The following COL11A1 variants were observed in gnomAD, a reference collection of about 807,000 sequenced individuals.
COL11A1 encodes the protein collagen alpha-1(XI) chain.
In COL11A1, 74 loss-of-function variants were observed where a neutral mutation model predicts 265.2. The ratio of observed to expected loss-of-function variants is 0.28; its 90% CI spans 0.23 to 0.34. The LOEUF (loss-of-function observed/expected upper bound fraction) is 0.34, where lower values mean the gene tolerates loss of function less well. COL11A1 is among the 10% of genes least tolerant of loss of function. The pLI, the probability that COL11A1 is intolerant of heterozygous loss-of-function variation, is 1.00. For missense variants in COL11A1, 2,165 were observed against 2,263.6 expected (o/e 0.96, Z 0.88); for synonymous variants, 816 against 727.6 (o/e 1.12, Z -1.96).
At chr1:102,994,660 A>G (rs2101785615) in intron 28 of COL11A1, among the ~76,000 whole-genome samples, 1 of 152,274 alleles carries the variant, frequency 6.6e-6, no homozygotes. Context: ...AATAGTTAAT[A>G]TCCATGTATA....
intron 4 of COL11A1, among the ~76,000 whole-genome samples, chr1:103,048,421 T>A (rs1669496948): frequency 6.6e-6 from 1 of 152,188 alleles, no homozygotes; most frequent in Admixed American, 6.5e-5. Context: ...CTGATGGTAG[T>A]TTGTATTTCT....
chr1:102,893,958 A>G lies in COL11A1; in HGVS notation c.4303-3454T>C, dbSNP rs531046218. Among the ~76,000 whole-genome samples the G allele has an allele frequency of 8.3e-4, 127 of 152,312 alleles. 1 individual carries two copies. Among genetic ancestry groups the G allele is most frequent in the African/African-American group, 3.0e-3 (123 of 41,580 alleles). ...TTTTTATTGTTTAAAAAATAATGCT[A>G]TCAGATATTTTATTTAACATTTTGT... On this transcript the variant is annotated intron_variant, in intron 57 of 66. Coordinates refer to ENST00000370096, the MANE Select transcript of COL11A1 (RefSeq NM_001854.4).
intron 57 of COL11A1, among the ~76,000 whole-genome samples, chr1:102,891,069 C>A (rs1651716573): frequency 6.6e-6 from 1 of 151,982 alleles, no homozygotes; most frequent in African/African-American, 2.4e-5. Context: ...CCTATATATA[C>A]TAAATTAAAA....
chr1:102,886,873 C>G lies in COL11A1; in HGVS notation c.4792G>C (p.Gly1598Arg). Residue 1598 changes from glycine to arginine, a missense_variant, in exon 63 of 67, where the codon GGT becomes CGT. Gly to Arg is a moderately radical substitution (Grantham distance 125). Transcript: ENST00000370096. ...GTTCGGGCTGGATTGGTCTGAGTAC[C>G]CATTGGAAATTTCATATGCTCAATG... ...QDIEHMKFPMGTQTNPARTCK... is the reference protein window; with the variant it reads ...QDIEHMKFPMRTQTNPARTCK... 1 of 1,613,778 alleles carries G rather than the reference C, an allele frequency of 6.2e-7. No homozygotes were observed. Among genetic ancestry groups the G allele is most frequent in the Non-Finnish European group, 8.5e-7 (1 of 1,179,802 alleles).
intron 49 of COL11A1, among the ~76,000 whole-genome samples, chr1:102,918,356 A>C (rs1655591734): frequency 6.6e-6 from 1 of 151,984 alleles, no homozygotes; most frequent in South Asian, 2.1e-4. Context: ...AGTGAAGTGC[A>C]AAAGTTATTT....
At chr1:103,097,083 G>A (rs949883246) in intron 1 of COL11A1, among the ~76,000 whole-genome samples, 1 of 151,906 alleles carries the variant, frequency 6.6e-6, no homozygotes, top group Admixed American at 6.6e-5. Context: ...AAACAACATG[G>A]CCCCAGTTCA....
At chr1:102,950,528 T>G (rs1266775167) in intron 41 of COL11A1, among the ~76,000 whole-genome samples, 1 of 152,104 alleles carries the variant, frequency 6.6e-6, no homozygotes, top group South Asian at 2.1e-4. Flanking sequence ...AATATTCAAC[T>G]CACATTCTTA....
intron 5 of COL11A1, among the ~76,000 whole-genome samples, chr1:103,026,887 T>C (rs1016454556): frequency 2.6e-5 from 4 of 151,912 alleles, no homozygotes; most frequent in African/African-American, 9.7e-5. Flanking sequence ...ATTAAAATAC[T>C]GTAACCAATG....
chr1:103,012,790 T>C (rs1666235239), intron 13 of COL11A1, among the ~76,000 whole-genome samples: 1 of 152,208 alleles, frequency 6.6e-6, no homozygotes, highest in Non-Finnish European at 1.5e-5. Flanking sequence ...TACTCAAGAA[T>C]AATGCATAGC....
At chr1:102,957,500 A>G (rs1231078912) in intron 41 of COL11A1, among the ~76,000 whole-genome samples, 2 of 152,104 alleles carry the variant, frequency 1.3e-5, no homozygotes, top group Admixed American at 6.5e-5. Flanking sequence ...TTCCTTATGA[A>G]TTGCATTATA....
At chr1:103,039,901 C>G (rs1326584619) in intron 4 of COL11A1, among the ~76,000 whole-genome samples, 2 of 151,904 alleles carry the variant, frequency 1.3e-5, no homozygotes, top group African/African-American at 2.4e-5. Context: ...GAAATATTGG[C>G]TGATTTAATT....
chr1:103,039,010 C>T (rs75448573), intron 4 of COL11A1, among the ~76,000 whole-genome samples: 1 of 152,048 alleles, frequency 6.6e-6, no homozygotes, highest in Admixed American at 6.6e-5. Context: ...GATGGCAAAG[C>T]CATTTACTCA....
rs1324176519 is a variant in COL11A1, at chr1:102,953,566, A to C, written c.3169-6610T>G. 4.6e-5 allele frequency among the ~76,000 whole-genome samples: 7 copies of C among 152,348 alleles called. No individual in the cohort carries two copies. In the East Asian group the frequency reaches 1.3e-3, roughly 29 times the overall value. ...ATTTAATATAACTAAAGTTCTTTGAACAATGCCTGTCAAAAAGTATAAATG... is the reference window on the plus strand; with the variant it reads ...ATTTAATATAACTAAAGTTCTTTGACCAATGCCTGTCAAAAAGTATAAATG... On this transcript the variant is annotated intron_variant, in intron 41 of 66. Coordinates refer to ENST00000370096, the MANE Select transcript of COL11A1 (RefSeq NM_001854.4).
At chr1:102,984,530 C>T (rs1340606979) in intron 30 of COL11A1, among the ~76,000 whole-genome samples, 1 of 151,978 alleles carries the variant, frequency 6.6e-6, no homozygotes, top group Non-Finnish European at 1.5e-5. Flanking sequence ...GCTTTTTCAA[C>T]ATTAAATACT....
At chr1:102,945,432 C>T (rs868767171) in intron 42 of COL11A1, among the ~76,000 whole-genome samples, 2 of 152,180 alleles carry the variant, frequency 1.3e-5, no homozygotes, top group Middle Eastern at 3.4e-3. Context: ...CTGTGGTATT[C>T]TGTTATAACT....
chr1:103,003,354 TA>T, intron 20 of COL11A1, 86 bp from the exon 21 acceptor site: 1 of 1,334,154 alleles, frequency 7.5e-7, no homozygotes, highest in Non-Finnish European at 1.0e-6. Context: ...ATCCTAAGGT[TA>T]TTTTTAGAAT....
chr1:102,965,852 T>C (rs1661353019), intron 37 of COL11A1, among the ~76,000 whole-genome samples: 1 of 152,156 alleles, frequency 6.6e-6, no homozygotes, highest in Non-Finnish European at 1.5e-5. Flanking sequence ...CAGTAATGTT[T>C]ATGGATGAAG....
intron 61 of COL11A1, 39 bp downstream of exon 61, chr1:102,888,684 T>C: frequency 6.2e-7 from 1 of 1,613,798 alleles, no homozygotes; most frequent in East Asian, 2.2e-5. Flanking sequence ...TAAATAGGTT[T>C]CAATGCAAAA....
At chr1:103,104,580 T>C (rs57416339) in intron 1 of COL11A1, among the ~76,000 whole-genome samples, 8,441 of 152,208 alleles carry the variant, frequency 0.055, 807 homozygotes, top group African/African-American at 0.19. Flanking sequence ...GTATTAATTA[T>C]GAAGCAAATT....
Sources: gnomAD v4.1 joint callset for allele counts (sites outside exome capture counted in the v4.1 genomes callset) on GRCh38, gnomAD v4.1.1 for gene constraint, MANE v1.5 for transcripts, NCBI Gene and HGNC (gene_info 2026-07-23, HGNC 2026-07-21) for gene names.